ALOX5: variants seen among roughly 807,000 people sequenced by gnomAD.
The protein encoded by ALOX5 is polyunsaturated fatty acid 5-lipoxygenase.
In ALOX5, 64 loss-of-function variants were observed where a neutral mutation model predicts 87.9. That is an observed-to-expected ratio of 0.73 (90% CI 0.60 to 0.90). The LOEUF is 0.90. Among genes scored for constraint, ALOX5 ranks in the 40% least tolerant of loss-of-function variants. The pLI is 0.00. For synonymous variants in ALOX5, 388 were observed against 355.1 expected, an observed-to-expected ratio of 1.09 and a Z score of -1.04; for missense variants, 822 against 907.5, an observed-to-expected ratio of 0.91 and a Z score of 1.21.
intron 3 of ALOX5, among the ~76,000 whole-genome samples, chr10:45,397,411 A>C (rs1265869248): frequency 1.3e-5 from 2 of 152,168 alleles, no homozygotes; most frequent in African/African-American, 2.4e-5. Flanking sequence ...TTCACAGTTA[A>C]CATTATACTT....
At position 45,395,913 on chromosome 10, in the gene ALOX5, G is replaced by A; in HGVS notation, c.408G>A (p.Leu136=). The A allele has an allele frequency of 6.2e-7, 1 of 1,614,226 alleles. No individual in the cohort carries two copies. Among genetic ancestry groups the A allele is most frequent in the Non-Finnish European group, 8.5e-7 (1 of 1,180,034 alleles). ...TCAAGCAACACCGACGTAAAGAACT[G>A]GAAACACGGCAAAAACAATATCGGT... The part of the protein sequence containing the change: ...HILKQHRRKE[L]ETRQKQYRWM... The change falls in exon 3 of 14, where the codon CTG becomes CTA. Residue 136 remains leucine, a synonymous_variant. Coordinates refer to ENST00000374391, the MANE Select transcript of ALOX5 (RefSeq NM_000698.5).
At position 45,382,634 on chromosome 10, in the gene ALOX5, A is replaced by AC; in HGVS notation, c.304dup (p.Arg102ProfsTer22). On this transcript the variant is annotated frameshift_variant, in exon 2 of 14. Transcript: ENST00000374391. LOFTEE classifies it high-confidence loss of function. ...GGGGACTACATCGAGTTCCCCTGCT[A>AC]CCGCTGGATCACCGGCGATGTCGAG... 6.2e-7 allele frequency: 1 copy of AC among 1,614,034 alleles called. No homozygotes were observed. Among genetic ancestry groups the AC allele is most frequent in the Non-Finnish European group, 8.5e-7 (1 of 1,179,982 alleles).
At chr10:45,404,029 C>G (rs1242932811) in intron 3 of ALOX5, among the ~76,000 whole-genome samples, 1 of 152,214 alleles carries the variant, frequency 6.6e-6, no homozygotes, top group Admixed American at 6.5e-5. Context: ...TAGTGGGGCT[C>G]TAATTAGACT....
At chr10:45,436,412 A>G (rs554094042) in intron 7 of ALOX5, among the ~76,000 whole-genome samples, 40 of 152,256 alleles carry the variant, frequency 2.6e-4, no homozygotes, top group African/African-American at 9.1e-4. Context: ...TAATCCATCT[A>G]GAGGTAATTT....
chr10:45,424,041 G>A lies in ALOX5; in HGVS notation c.555G>A (p.Ala185=). 3 of 1,613,714 alleles carry A rather than the reference G, an allele frequency of 1.9e-6. No individual in the cohort carries two copies. Among genetic ancestry groups the A allele is most frequent in the Non-Finnish European group, 2.5e-6 (3 of 1,179,594 alleles). ...AGGTGACCTCTCTCCTGGTCTGCAGGATGGAGAACCTGTTCATCAACCGCT... is the reference window on the plus strand; with the variant it reads ...AGGTGACCTCTCTCCTGGTCTGCAGAATGGAGAACCTGTTCATCAACCGCT... ...GVDFVLNYSK[A]MENLFINRFM... is the part of the protein sequence containing the mutation. Residue 185 remains alanine (A), a splice_region_variant and synonymous_variant, in exon 5 of 14, where the codon GCG becomes GCA. Coordinates refer to ENST00000374391, the MANE Select transcript of ALOX5 (RefSeq NM_000698.5).
At chr10:45,411,688 G>A (rs56071381) in intron 3 of ALOX5, among the ~76,000 whole-genome samples, 18 of 152,148 alleles carry the variant, frequency 1.2e-4, no homozygotes, top group South Asian at 4.1e-4. Flanking sequence ...ACCTGCTGCC[G>A]TGTCGTCCTA....
chr10:45,405,793 G>T (rs989174326), intron 3 of ALOX5, among the ~76,000 whole-genome samples: 2 of 149,078 alleles, frequency 1.3e-5, no homozygotes, highest in Non-Finnish European at 3.0e-5. Flanking sequence ...CTGGAGTGCA[G>T]TGGCATGATC....
At chr10:45,438,299 G>T (rs112206204) in intron 7 of ALOX5, among the ~76,000 whole-genome samples, 1 of 152,090 alleles carries the variant, frequency 6.6e-6, no homozygotes, top group African/African-American at 2.4e-5. Context: ...TCATGTTGCC[G>T]GCTGAGCTCT....
At position 45,382,549 on chromosome 10, in the gene ALOX5, C is replaced by T. The variant is rs1466431473; in HGVS notation, c.217C>T (p.Arg73Cys). The stretch of plus-strand genomic sequence containing the variant: ...GATCCAGCTGGTCAGAATCGAGAAG[C>T]GCAAGTACTGGCTGAATGACGACTG... Reference protein sequence around the residue: ...GEIQLVRIEKRKYWLNDDWYL... With the variant: ...GEIQLVRIEKCKYWLNDDWYL... The change falls in exon 2 of 14, where the codon CGC (arginine) becomes TGC (cysteine). Residue 73 changes from arginine (R) to cysteine (C), a missense_variant. Arg to Cys is a radical substitution (Grantham distance 180, BLOSUM62 -3). Coordinates refer to ENST00000374391, the MANE Select transcript of ALOX5 (RefSeq NM_000698.5). The T allele has an allele frequency of 7.4e-6, 12 of 1,614,064 alleles. No homozygotes were observed. The highest frequency in any genetic ancestry group is 1.3e-5 in the African/African-American group (1 of 74,926).
chr10:45,407,452 A>G (rs769613404), intron 3 of ALOX5, among the ~76,000 whole-genome samples: 1 of 151,784 alleles, frequency 6.6e-6, no homozygotes, highest in Non-Finnish European at 1.5e-5. Flanking sequence ...ACAAGTCTCA[A>G]TCATTTTAGG....
chr10:45,426,582 G>C lies in ALOX5; in HGVS notation c.834+1450G>C, dbSNP rs145349739. On this transcript the variant is annotated intron_variant, in intron 6 of 13. Coordinates refer to ENST00000374391, the MANE Select transcript of ALOX5 (RefSeq NM_000698.5). ...TGAATAGAGAAATTGTATCCCTGTT[G>C]TTGGTATTGATTCAGTGTTCCAGCT... Among the ~76,000 whole-genome samples the C allele has an allele frequency of 1.7e-4, 26 of 152,326 alleles. No individual in the cohort carries two copies. In the East Asian group the frequency reaches 5.0e-3, roughly 29 times the overall value.
At chr10:45,390,535 A>G (rs946638877) in intron 2 of ALOX5, among the ~76,000 whole-genome samples, 1 of 152,226 alleles carries the variant, frequency 6.6e-6, no homozygotes, top group Non-Finnish European at 1.5e-5. Context: ...AGATTAAGAA[A>G]CTCACTCAAA....
chr10:45,432,570 A>G (rs2132829489), intron 7 of ALOX5, among the ~76,000 whole-genome samples: 1 of 152,316 alleles, frequency 6.6e-6, no homozygotes, highest in South Asian at 2.1e-4. Context: ...TATTATTTTA[A>G]TGATGCTATC....
At chr10:45,423,044 A>G (rs993387913) in intron 4 of ALOX5, among the ~76,000 whole-genome samples, 1 of 152,064 alleles carries the variant, frequency 6.6e-6, no homozygotes, top group Non-Finnish European at 1.5e-5. Flanking sequence ...TCTAACCCTA[A>G]TCACCTCCCA....
Position 45,425,262 on chromosome 10 carries a change from C to T in ALOX5, c.834+130C>T, listed in dbSNP as rs1269000. 1 of 1,112,858 alleles carries T rather than the reference C, an allele frequency of 9.0e-7. No individual in the cohort carries two copies. Among genetic ancestry groups the T allele is most frequent in the African/African-American group, 1.6e-5 (1 of 63,562 alleles). The allele number at this position is 1,112,858 out of a possible 1,614,324, so 68.9% of individuals were successfully genotyped here. On this transcript the variant is annotated intron_variant, in intron 6 of 13. Transcript: ENST00000374391. This position sits in a 1 kb window ranked among gnomAD's most constrained non-coding sequence, Gnocchi z 4.4. ...CCCATCTGGCCTACAGCAGCCGCTT[C>T]CTTTTCCTGGCAGCAGTGTCAGCCA...
At chr10:45,422,580 C>A (rs1197530299) in intron 4 of ALOX5, among the ~76,000 whole-genome samples, 1 of 152,222 alleles carries the variant, frequency 6.6e-6, no homozygotes, top group Non-Finnish European at 1.5e-5. Flanking sequence ...GGGCTCAATG[C>A]TGAGTAAAGT....
At chr10:45,394,905 T>G (rs1417430368) in intron 2 of ALOX5, among the ~76,000 whole-genome samples, 2 of 152,156 alleles carry the variant, frequency 1.3e-5, no homozygotes, top group African/African-American at 4.8e-5. Flanking sequence ...ACCATAATGA[T>G]ATACCATCTC....
intron 2 of ALOX5, among the ~76,000 whole-genome samples, chr10:45,385,649 G>T (rs1839982479): frequency 6.6e-6 from 1 of 152,192 alleles, no homozygotes; most frequent in African/African-American, 2.4e-5. Context: ...GATGATGAAT[G>T]TTGAGTGCCT....
chr10:45,393,943 A>G (rs567586677), intron 2 of ALOX5, among the ~76,000 whole-genome samples: 55 of 152,364 alleles, frequency 3.6e-4, no homozygotes, highest in African/African-American at 1.3e-3. Context: ...TCACTGCTCA[A>G]CGAAATAAAG....
Sources: allele counts gnomAD v4.1 joint callset (sites outside exome capture counted in the v4.1 genomes callset), GRCh38; gene constraint gnomAD v4.1.1; non-coding constraint Gnocchi (gnomAD v3.1); transcripts MANE v1.5; gene names NCBI Gene and HGNC (gene_info 2026-07-23, HGNC 2026-07-21).